Variants in TRAF2 observed in about 807,000 individuals in gnomAD.
TRAF2 encodes TNF receptor associated factor 2.
In TRAF2, 6 loss-of-function variants were observed where a neutral mutation model predicts 55.6. That is an observed-to-expected ratio of 0.11 (90% CI 0.06 to 0.21). The LOEUF (loss-of-function observed/expected upper bound fraction) is 0.21, where lower values mean the gene tolerates loss of function less well. Ranked by LOEUF, TRAF2 falls within the 10% of genes least tolerant of loss-of-function variation. The pLI is 1.00. For synonymous variants in TRAF2, 329 were observed against 276.3 expected, an observed-to-expected ratio of 1.19 and a Z score of -1.89; for missense variants, 561 against 684.5, an observed-to-expected ratio of 0.82 and a Z score of 2.01.
intron 4 of TRAF2, among the ~76,000 whole-genome samples, chr9:136,903,839 T>G (rs547130496): frequency 6.6e-6 from 1 of 152,064 alleles, no homozygotes; most frequent in East Asian, 1.9e-4. Flanking sequence ...CCCCCACCAC[T>G]CCCGGCTAAT....
rs779896746 is a variant in TRAF2 at position 136,909,946 on chromosome 9, C to T, written c.555C>T (p.Phe185=). Residue 185 remains phenylalanine (F), a synonymous_variant, in exon 6 of 11, where the codon TTC becomes TTT. Transcript: ENST00000247668. ...VKAHHEVCPK[F]PLTCDGCGKK... ...CGCACCACGAGGTCTGCCCCAAGTT[C>T]CCCTTAACTTGTGACGGCTGCGGCA... 3.7e-6 allele frequency: 6 copies of T among 1,614,194 alleles called. No individual in the cohort carries two copies. The highest frequency in any genetic ancestry group is 2.2e-5 in the East Asian group (1 of 44,878).
At chr9:136,925,016 C>T (rs1286285170) in intron 10 of TRAF2, among the ~76,000 whole-genome samples, 3 of 152,194 alleles carry the variant, frequency 2.0e-5, no homozygotes, top group South Asian at 2.1e-4. Context: ...GGATTGTAGG[C>T]GTGAGCCACT....
rs117145939 is a variant in TRAF2 at position 136,888,623 on chromosome 9, C to T, written c.-29+2082C>T. On this transcript the variant is annotated intron_variant, in intron 1 of 10. Coordinates refer to ENST00000247668, the MANE Select transcript of TRAF2 (RefSeq NM_021138.4). ...TGCGGCGACTAGGTGACCCCTGCAG[C>T]GGCCAGGTTGCACCCATATCTGATT... Among the ~76,000 whole-genome samples, 19 of 152,306 alleles carry T rather than the reference C, an allele frequency of 1.2e-4. No individual in the cohort carries two copies. In the East Asian group the frequency reaches 3.7e-3, roughly 29 times the overall value.
chr9:136,896,629 C>T (rs552300583), intron 1 of TRAF2, among the ~76,000 whole-genome samples: 7 of 151,842 alleles, frequency 4.6e-5, no homozygotes, highest in East Asian at 1.9e-4. Flanking sequence ...TGGGGGGAAC[C>T]GAGTGCCTGT....
At position 136,907,794 on chromosome 9, in the gene TRAF2, C is replaced by A. The variant is rs543798190; in HGVS notation, c.367-276C>A. Reference sequence around the variant, plus strand: ...CTGTTTCAGGGGGCAGATCGGGGAGCCTGGTGGTGGCAAGGCATCCACACA... The same window carrying A: ...CTGTTTCAGGGGGCAGATCGGGGAGACTGGTGGTGGCAAGGCATCCACACA... On this transcript the variant is annotated intron_variant, in intron 4 of 10. Transcript: ENST00000247668. Among the ~76,000 whole-genome samples, 13 of 152,028 alleles carry A rather than the reference C, an allele frequency of 8.6e-5. No homozygotes were observed. The South Asian group carries it at 2.7e-3, about 32-fold the overall frequency.
intron 4 of TRAF2, among the ~76,000 whole-genome samples, chr9:136,905,209 G>A (rs1336387220): frequency 2.6e-5 from 4 of 152,222 alleles, no homozygotes; most frequent in Non-Finnish European, 5.9e-5. Context: ...CCCGCAGCCA[G>A]GTCCTCTGCT....
intron 7 of TRAF2, among the ~76,000 whole-genome samples, chr9:136,918,976 C>G (rs1308462006): frequency 6.6e-6 from 1 of 151,978 alleles, no homozygotes; most frequent in Non-Finnish European, 1.5e-5. Context: ...CTCAGGTGAT[C>G]CGCCCACTTC....
intron 9 of TRAF2, chr9:136,922,368 C>T (rs1850407404): frequency 6.6e-6 from 1 of 152,374 alleles, no homozygotes; most frequent in Admixed American, 6.5e-5. Context: ...CTGGTGGCGA[C>T]CTTCCCTCTG....
intron 1 of TRAF2, among the ~76,000 whole-genome samples, chr9:136,889,012 C>G (rs1249731546): frequency 2.0e-5 from 3 of 151,986 alleles, no homozygotes; most frequent in African/African-American, 4.8e-5. Context: ...CTACAGGCAC[C>G]CGCCACCACG....
chr9:136,910,828 C>A (rs1850086431), intron 6 of TRAF2, among the ~76,000 whole-genome samples: 1 of 152,272 alleles, frequency 6.6e-6, no homozygotes, highest in Admixed American at 6.5e-5. Context: ...CGGGACAGGG[C>A]TGTCTCCTCA....
At chr9:136,914,110 TTCCTGGGG>T (rs1408919193) in intron 6 of TRAF2, among the ~76,000 whole-genome samples, 8 of 152,166 alleles carry the variant, frequency 5.3e-5, no homozygotes, top group Admixed American at 5.2e-4. Flanking sequence ...TGTTTAGTGT[TTCCTGGGG>T]GCCTGGGGGT....
intron 4 of TRAF2, among the ~76,000 whole-genome samples, chr9:136,906,166 T>G (rs888580885): frequency 2.0e-5 from 3 of 152,092 alleles, no homozygotes; most frequent in African/African-American, 7.2e-5. Flanking sequence ...GGTGTGGTGG[T>G]GCGTGCCTGT....
At chr9:136,913,195 C>G (rs945229988) in intron 6 of TRAF2, among the ~76,000 whole-genome samples, 1 of 151,630 alleles carries the variant, frequency 6.6e-6, no homozygotes, top group African/African-American at 2.4e-5. Context: ...GATGAGGCCA[C>G]TGATGATGAG....
chr9:136,882,044 C>A (rs994613190), upstream of TRAF2: 27 of 985,382 alleles, frequency 2.7e-5, no homozygotes, highest in Non-Finnish European at 3.1e-5. Context: ...GTGGGCACTT[C>A]CCCTGGGGAC....
intron 3 of TRAF2, 100 bp downstream of exon 3, chr9:136,899,772 C>T (rs184218765): frequency 1.7e-6 from 2 of 1,189,574 alleles, no homozygotes; most frequent in African/African-American, 1.5e-5. Context: ...CACCTGTAAT[C>T]CCAGCACTTT....
chr9:136,888,837 G>T (rs1047341277), intron 1 of TRAF2, among the ~76,000 whole-genome samples: 5 of 152,156 alleles, frequency 3.3e-5, no homozygotes, highest in African/African-American at 9.7e-5. Context: ...GGAACACACA[G>T]CTCGGCCCTA....
intron 1 of TRAF2, among the ~76,000 whole-genome samples, chr9:136,895,717 C>T (rs551579159): frequency 6.6e-6 from 1 of 152,032 alleles, no homozygotes; most frequent in African/African-American, 2.4e-5. Context: ...CCTGTGGTGG[C>T]GGGTACCTGT....
intron 5 of TRAF2, among the ~76,000 whole-genome samples, chr9:136,908,576 G>A (rs1289713783): frequency 1.3e-5 from 2 of 148,752 alleles, no homozygotes; most frequent in Non-Finnish European, 3.0e-5. Flanking sequence ...CAAAAAGTTA[G>A]CCAGGAGTGG....
intron 1 of TRAF2, among the ~76,000 whole-genome samples, chr9:136,892,420 C>T (rs1296044682): frequency 1.3e-5 from 2 of 151,602 alleles, no homozygotes; most frequent in African/African-American, 4.8e-5. Context: ...GCCAAGATCG[C>T]GCCACTGCAC....
Sources: gnomAD v4.1 joint callset for allele counts (sites outside exome capture counted in the v4.1 genomes callset) on GRCh38, gnomAD v4.1.1 for gene constraint, MANE v1.5 for transcripts, NCBI Gene and HGNC (gene_info 2026-07-23, HGNC 2026-07-21) for gene names.